Variants in IGF2R observed in about 807,000 individuals in gnomAD.
IGF2R encodes cation-independent mannose-6-phosphate receptor.
IGF2R carries 91 observed loss-of-function variants against 270.6 expected under a neutral mutation model. The ratio of observed to expected loss-of-function variants is 0.34; its 90% CI spans 0.28 to 0.40. The LOEUF (loss-of-function observed/expected upper bound fraction) is 0.40, where lower values mean the gene tolerates loss of function less well. IGF2R is among the 10% of genes least tolerant of loss of function. IGF2R has a pLI of 1.00. For synonymous variants in IGF2R, 1,316 were observed against 1,258.9 expected (o/e 1.05, Z -0.96); for missense variants, 2,805 against 3,188.3 (o/e 0.88, Z 2.90).
Position 160,050,565 on chromosome 6 carries a change from C to T in IGF2R, c.2607C>T (p.Tyr869=), listed in dbSNP as rs762865897. The T allele has an allele frequency of 6.0e-5, 97 of 1,614,018 alleles. No individual in the cohort carries two copies. The highest frequency in any genetic ancestry group is 7.5e-5 in the Non-Finnish European group (89 of 1,179,990). The part of the protein sequence containing the change: ...VEDSGSLLLE[Y]VNGSACTTSD... ...ACAGCGGCAGCCTCCTTCTGGAATA[C>T]GTGAATGGGTCGGCCTGCACCACCA... Residue 869 remains tyrosine (Y), a synonymous_variant, in exon 19 of 48, where the codon TAC becomes TAT. Transcript: ENST00000356956. The surrounding 1 kb of genome is among the most constrained non-coding windows in gnomAD (Gnocchi z 4.0).
chr6:159,984,789 A>G (rs1783857167), intron 1 of IGF2R, among the ~76,000 whole-genome samples: 1 of 152,202 alleles, frequency 6.6e-6, no homozygotes, highest in Non-Finnish European at 1.5e-5. Context: ...CAGCAGTTAC[A>G]CTTCCTGAGG....
At chr6:160,035,767 A>G (rs1348364957) in intron 10 of IGF2R, among the ~76,000 whole-genome samples, 3 of 152,244 alleles carry the variant, frequency 2.0e-5, no homozygotes, top group Admixed American at 6.5e-5. Context: ...GATAAGGAGC[A>G]TGATGATGGA....
Position 160,102,623 on chromosome 6 carries a change from C to G in IGF2R, c.6947C>G (p.Ala2316Gly). ...GCGGTGCTCAGCCTGCTGCTGGTGG[C>G]GCTCACCTGCTGCCTGCTGGCCCTG... ...VGAVLSLLLV[A>G]LTCCLLALLL... The change falls in exon 46 of 48, where the codon GCG becomes GGG. Residue 2316 changes from alanine to glycine, a missense_variant. Ala to Gly is a moderately conservative substitution (Grantham distance 60, BLOSUM62 0). Transcript: ENST00000356956. The surrounding 1 kb of genome is among the most constrained non-coding windows in gnomAD (Gnocchi z 4.5). 6.2e-7 allele frequency: 1 copy of G among 1,612,888 alleles called. No homozygotes were observed. Among genetic ancestry groups the G allele is most frequent in the Non-Finnish European group, 8.5e-7 (1 of 1,179,364 alleles).
intron 4 of IGF2R, among the ~76,000 whole-genome samples, chr6:160,019,543 T>C (rs1777383039): frequency 6.6e-6 from 1 of 152,172 alleles, no homozygotes; most frequent in Non-Finnish European, 1.5e-5. Context: ...CCAATATCTA[T>C]GATAAACAGA....
rs1339246206 is a variant in IGF2R at position 160,074,071 on chromosome 6, G to A, written c.5166+96G>A. ...TTGCCTTCAGTGGGGAGTTGCTCAA[G>A]CATAAAAAAAATGGAGAAAGTAAGT... On this transcript the variant is annotated intron_variant, in intron 35 of 47. Coordinates refer to ENST00000356956, the MANE Select transcript of IGF2R (RefSeq NM_000876.4). 6 of 835,596 alleles carry A rather than the reference G, an allele frequency of 7.2e-6. No individual in the cohort carries two copies. In the Admixed American group the frequency reaches 1.2e-4, roughly 17 times the overall value. The allele number at this position is 835,596 out of a possible 1,614,324, so 51.8% of individuals were successfully genotyped here.
intron 19 of IGF2R, among the ~76,000 whole-genome samples, chr6:160,051,736 C>G (rs1415165309): frequency 6.6e-6 from 1 of 152,122 alleles, no homozygotes; most frequent in Non-Finnish European, 1.5e-5. Context: ...GGGAAGATCA[C>G]TCACTTGAGG....
At position 160,106,595 on chromosome 6, in the gene IGF2R, C is replaced by T. The variant is rs1001653740; in HGVS notation, c.*1511C>T. ...TCCTTGATAGTGAGACGTTCCCGAGCGAGTTACCCATCTGCCTGCCTGTCT... is the reference window on the plus strand; with the variant it reads ...TCCTTGATAGTGAGACGTTCCCGAGTGAGTTACCCATCTGCCTGCCTGTCT... On this transcript the variant is annotated 3_prime_UTR_variant, in exon 48 of 48. Coordinates refer to ENST00000356956, the MANE Select transcript of IGF2R (RefSeq NM_000876.4). 6.6e-6 allele frequency: 1 copy of T among 152,040 alleles called. No homozygotes were observed. Among genetic ancestry groups the T allele is most frequent in the Admixed American group, 6.5e-5 (1 of 15,270 alleles). The allele number at this position is 152,040 out of a possible 1,614,324, so 9.4% of individuals were successfully genotyped here.
chr6:160,027,228 C>T lies in IGF2R; in HGVS notation c.690C>T (p.Pro230=), dbSNP rs774882840. 4.6e-5 allele frequency: 74 copies of T among 1,614,132 alleles called. No homozygotes were observed. Among genetic ancestry groups the T allele is most frequent in the Middle Eastern group, 1.6e-4 (1 of 6,080 alleles). The change falls in exon 6 of 48, where the codon CCC becomes CCT. Residue 230 remains proline (P), a synonymous_variant. Coordinates refer to ENST00000356956, the MANE Select transcript of IGF2R (RefSeq NM_000876.4). ...DPGSQLRACP[P]GTAACLVRGH... ...GTTCACAGCTGCGGGCCTGTCCCCC[C>T]GGCACTGCCGCCTGCCTGGTAAGAG...
At chr6:160,022,578 G>C (rs928112091) in intron 4 of IGF2R, among the ~76,000 whole-genome samples, 1 of 152,210 alleles carries the variant, frequency 6.6e-6, no homozygotes, top group Non-Finnish European at 1.5e-5. Context: ...ACAGTTTATG[G>C]AACAAATATA....
At chr6:160,043,613 T>A (rs1777996609) in intron 12 of IGF2R, among the ~76,000 whole-genome samples, 1 of 152,222 alleles carries the variant, frequency 6.6e-6, no homozygotes, top group South Asian at 2.1e-4. Context: ...TTTTATTTTA[T>A]TTTTTAACAA....
chr6:159,971,378 C>G (rs569311821), intron 1 of IGF2R, among the ~76,000 whole-genome samples: 1 of 152,316 alleles, frequency 6.6e-6, no homozygotes, highest in Admixed American at 6.5e-5. Flanking sequence ...CGTGGGCATA[C>G]TTAGCAAATG....
intron 1 of IGF2R, among the ~76,000 whole-genome samples, chr6:159,972,482 C>G (rs112910123): frequency 0.026 from 4,027 of 152,246 alleles, 67 homozygotes; most frequent in Non-Finnish European, 0.038. Flanking sequence ...GAATCCTAGC[C>G]GTAAATTCTC....
At chr6:160,096,737 C>CA (rs1055973926) in intron 45 of IGF2R, 112 bp downstream of exon 45, 2 of 883,030 alleles carry the variant, frequency 2.3e-6, no homozygotes, top group South Asian at 2.0e-5. Flanking sequence ...GAACATGCAC[C>CA]AAAAAATAGA....
At chr6:160,062,660 A>T in intron 26 of IGF2R, 41 bp downstream of exon 26, 1 of 1,420,086 alleles carries the variant, frequency 7.0e-7, no homozygotes, top group Non-Finnish European at 9.9e-7. Context: ...TTAAATGTAT[A>T]GAGTAGCAGA....
At position 160,074,923 on chromosome 6, in the gene IGF2R, G is replaced by A. The variant is rs556166800; in HGVS notation, c.5167-924G>A. Among the ~76,000 whole-genome samples the A allele has an allele frequency of 3.9e-5, 6 of 152,286 alleles. No homozygotes were observed. The South Asian group carries it at 1.0e-3, about 26-fold the overall frequency. On this transcript the variant is annotated intron_variant, in intron 35 of 47. Coordinates refer to ENST00000356956, the MANE Select transcript of IGF2R (RefSeq NM_000876.4). ...CTTTGGTAGCGTCCTTTCTGACAGCGCAGACCGGGGATCCTCGATCGGGAA... is the reference window on the plus strand; with the variant it reads ...CTTTGGTAGCGTCCTTTCTGACAGCACAGACCGGGGATCCTCGATCGGGAA...
At chr6:160,074,820 C>T (rs750004996) in intron 35 of IGF2R, among the ~76,000 whole-genome samples, 5 of 152,124 alleles carry the variant, frequency 3.3e-5, no homozygotes, top group Non-Finnish European at 5.9e-5. Context: ...GTAAGGAGAT[C>T]GGCCACAGCC....
chr6:160,089,997 C>G lies in IGF2R; in HGVS notation c.6549C>G (p.Ser2183=). ...YEIQLSSITS[S]RNPACSGANI... Reference sequence around the variant, plus strand: ...TCCAACTTTCCTCCATCACAAGCTCCAGAAACCCGGCGTGCTCTGGAGCCA... The same window carrying G: ...TCCAACTTTCCTCCATCACAAGCTCGAGAAACCCGGCGTGCTCTGGAGCCA... Residue 2183 remains serine (S), a synonymous_variant, in exon 44 of 48, where the codon TCC becomes TCG. Transcript: ENST00000356956. 1 of 1,607,482 alleles carries G rather than the reference C, an allele frequency of 6.2e-7. No individual in the cohort carries two copies. Among genetic ancestry groups the G allele is most frequent in the Non-Finnish European group, 8.5e-7 (1 of 1,177,078 alleles).
rs754924905 is a variant in IGF2R at position 160,045,895 on chromosome 6, G to A, written c.1903+13G>A. 1.3e-6 allele frequency: 2 copies of A among 1,526,726 alleles called. No individual in the cohort carries two copies. Among genetic ancestry groups the A allele is most frequent in the South Asian group, 2.6e-5 (2 of 76,990 alleles). The allele number at this position is 1,526,726 out of a possible 1,614,324, so 94.6% of individuals were successfully genotyped here. On this transcript the variant is annotated intron_variant, in intron 14 of 47. Coordinates refer to ENST00000356956, the MANE Select transcript of IGF2R (RefSeq NM_000876.4). The stretch of plus-strand genomic sequence containing the variant: ...GACTCCCAGGCAGGTCTGTGTCCAA[G>A]CAGGACCTCTGCTTTAATGTGACTT...
chr6:160,060,846 C>T (rs1271401171), intron 23 of IGF2R, 129 bp downstream of exon 23: 3 of 782,484 alleles, frequency 3.8e-6, no homozygotes, highest in Admixed American at 2.9e-5. Context: ...GTTATGCAGG[C>T]AGCGTGACAT....
Sources: allele counts gnomAD v4.1 joint callset (sites outside exome capture counted in the v4.1 genomes callset), GRCh38; gene constraint gnomAD v4.1.1; non-coding constraint Gnocchi (gnomAD v3.1); transcripts MANE v1.5; gene names NCBI Gene and HGNC (gene_info 2026-07-23, HGNC 2026-07-21).